The following RXFP1 variants were observed in gnomAD, a reference collection of about 807,000 sequenced individuals.
RXFP1 encodes the protein relaxin receptor 1.
A neutral mutation model predicts 89.8 loss-of-function variants in RXFP1; 73 were observed. The ratio of observed to expected loss-of-function variants is 0.81; its 90% CI spans 0.67 to 0.99. The LOEUF is 0.99. Ranked by LOEUF, RXFP1 falls within the 50% of genes least tolerant of loss-of-function variation. The pLI is 0.00. For synonymous variants in RXFP1, 277 were observed against 305.5 expected (o/e 0.91, Z 0.97); for missense variants, 793 against 895.5 (o/e 0.89, Z 1.46).
At chr4:158,567,941 C>G (rs1346240907) in intron 1 of RXFP1, among the ~76,000 whole-genome samples, 1 of 152,198 alleles carries the variant, frequency 6.6e-6, no homozygotes, top group Non-Finnish European at 1.5e-5. Flanking sequence ...TGCAATAAAT[C>G]TTGCAGCTGC....
chr4:158,651,672 T>C, intron 17 of RXFP1, 85 bp from the exon 18 acceptor site: 1 of 1,026,982 alleles, frequency 9.7e-7, no homozygotes, highest in Non-Finnish European at 1.4e-6. Flanking sequence ...CAAAAAGGGG[T>C]TGGGATGAAA....
chr4:158,567,647 G>A (rs559701593), intron 1 of RXFP1, among the ~76,000 whole-genome samples: 38 of 152,164 alleles, frequency 2.5e-4, no homozygotes, highest in African/African-American at 8.7e-4. Flanking sequence ...GTCTAGCTCA[G>A]GGTTTGTAAA....
At chr4:158,547,731 T>C (rs1165709930) in intron 1 of RXFP1, among the ~76,000 whole-genome samples, 1 of 152,202 alleles carries the variant, frequency 6.6e-6, no homozygotes, top group Non-Finnish European at 1.5e-5. Context: ...CAGGAGCAAG[T>C]TGTTCAGTTT....
intron 3 of RXFP1, among the ~76,000 whole-genome samples, chr4:158,594,420 GC>G (rs1460890051): frequency 6.6e-6 from 1 of 152,096 alleles, no homozygotes; most frequent in Non-Finnish European, 1.5e-5. Flanking sequence ...TGGTAGTGGT[GC>G]TGGTTGTGGT....
intron 4 of RXFP1, 29 bp downstream of exon 4, chr4:158,599,460 A>ACAGGTGCTACC: frequency 1.3e-6 from 2 of 1,570,990 alleles, no homozygotes; most frequent in Non-Finnish European, 1.7e-6. Flanking sequence ...CTTCATCCTG[A>ACAGGTGCTACC]CAGCTGGGTA....
intron 2 of RXFP1, among the ~76,000 whole-genome samples, chr4:158,580,585 T>G (rs1757150790): frequency 6.6e-6 from 1 of 152,202 alleles, no homozygotes; most frequent in Non-Finnish European, 1.5e-5. Flanking sequence ...AATGCTTCTC[T>G]GGGAAGCTCC....
rs1387659227 is a variant in RXFP1, at chr4:158,653,310, T to C, written c.*1255T>C. 1 of 152,240 alleles carries C rather than the reference T, an allele frequency of 6.6e-6. No individual in the cohort carries two copies. The highest frequency in any genetic ancestry group is 1.5e-5 in the Non-Finnish European group (1 of 68,044). 9.4% of individuals were successfully genotyped at this position (152,240 alleles called of 1,614,324 possible). Reference sequence around the variant, plus strand: ...CTGGAATCAAACCATAATGCACTTATTGAATATATAGTTGTATAGATTTGT... The same window carrying C: ...CTGGAATCAAACCATAATGCACTTACTGAATATATAGTTGTATAGATTTGT... On this transcript the variant is annotated 3_prime_UTR_variant, in exon 18 of 18. Transcript: ENST00000307765.
At chr4:158,545,544 T>C (rs1748091073) in intron 1 of RXFP1, among the ~76,000 whole-genome samples, 1 of 152,216 alleles carries the variant, frequency 6.6e-6, no homozygotes, top group Non-Finnish European at 1.5e-5. Flanking sequence ...TCCTGAATGG[T>C]ATTGCCTAGG....
At chr4:158,645,618 A>G (rs1771378880) in intron 15 of RXFP1, among the ~76,000 whole-genome samples, 1 of 152,210 alleles carries the variant, frequency 6.6e-6, no homozygotes, top group Non-Finnish European at 1.5e-5. Context: ...AAATATTTTT[A>G]GGGAGTATTC....
At chr4:158,556,409 C>A (rs1751322094) in intron 1 of RXFP1, among the ~76,000 whole-genome samples, 1 of 151,992 alleles carries the variant, frequency 6.6e-6, no homozygotes, top group African/African-American at 2.4e-5. Flanking sequence ...ATCAAAAAAC[C>A]AGAAGAAAAC....
chr4:158,524,251 C>T (rs1428980403), intron 1 of RXFP1, among the ~76,000 whole-genome samples: 4 of 152,194 alleles, frequency 2.6e-5, no homozygotes, highest in African/African-American at 7.2e-5. Flanking sequence ...AGCCCGTGCT[C>T]TCTCCCCTAG....
chr4:158,624,202 G>A (rs1417030606), intron 9 of RXFP1, among the ~76,000 whole-genome samples: 2 of 152,136 alleles, frequency 1.3e-5, no homozygotes, highest in Non-Finnish European at 2.9e-5. Flanking sequence ...AACAGGAGAA[G>A]GGTCATCTCT....
At chr4:158,607,512 A>G (rs1233124251) in intron 5 of RXFP1, among the ~76,000 whole-genome samples, 1 of 152,218 alleles carries the variant, frequency 6.6e-6, no homozygotes, top group East Asian at 1.9e-4. Flanking sequence ...TGTGTTGAGC[A>G]CTTAACAAGT....
intron 4 of RXFP1, among the ~76,000 whole-genome samples, chr4:158,603,418 A>C (rs1762034949): frequency 6.6e-6 from 1 of 152,244 alleles, no homozygotes; most frequent in Non-Finnish European, 1.5e-5. Flanking sequence ...TAGTTTCAAA[A>C]GGGAATTACT....
chr4:158,611,574 T>G (rs1383483446), intron 6 of RXFP1, among the ~76,000 whole-genome samples: 2 of 152,226 alleles, frequency 1.3e-5, no homozygotes, highest in Non-Finnish European at 2.9e-5. Flanking sequence ...CATAAGCTAT[T>G]TCCTCTGCCT....
At chr4:158,612,017 CATG>C (rs1159896650) in intron 6 of RXFP1, 110 bp from the exon 7 acceptor site, 18 of 759,152 alleles carry the variant, frequency 2.4e-5, no homozygotes, top group Non-Finnish European at 3.9e-5. Context: ...AGGGAAGTGG[CATG>C]ATGAGAATGC....
intron 1 of RXFP1, among the ~76,000 whole-genome samples, chr4:158,527,564 A>AAAAAT (rs5741905): frequency 8.1e-5 from 8 of 98,328 alleles, no homozygotes; most frequent in Admixed American, 2.7e-4. Flanking sequence ...AAAAAAAAAA[A>AAAAAT]ATATATATAT....
At chr4:158,608,279 CTTTTTTTTTTTTTTTTTT>C (rs756131500) in intron 6 of RXFP1, among the ~76,000 whole-genome samples, 2 of 76,102 alleles carry the variant, frequency 2.6e-5, no homozygotes, top group Admixed American at 1.6e-4. Flanking sequence ...GTATTCCTTT[CTTTTTTTTTTTTTTTTTT>C]TTTTTTTTTT....
chr4:158,638,893 T>G (rs903764194), intron 13 of RXFP1, among the ~76,000 whole-genome samples: 5 of 152,030 alleles, frequency 3.3e-5, no homozygotes, highest in African/African-American at 9.7e-5. Context: ...AGAAAAAAAT[T>G]TATTAATTAA....
Sources: allele counts gnomAD v4.1 joint callset (sites outside exome capture counted in the v4.1 genomes callset), GRCh38; gene constraint gnomAD v4.1.1; transcripts MANE v1.5; gene names NCBI Gene and HGNC (gene_info 2026-07-23, HGNC 2026-07-21).